Variants in STK24 observed in about 807,000 individuals in gnomAD.
STK24 encodes the protein serine/threonine kinase 24.
A neutral mutation model predicts 55.6 loss-of-function variants in STK24; 21 were observed. The observed-to-expected ratio is 0.38, with a 90% CI of 0.27 to 0.54. The LOEUF (loss-of-function observed/expected upper bound fraction) is 0.54, where lower values mean the gene tolerates loss of function less well. Among genes scored for constraint, STK24 ranks in the 20% least tolerant of loss-of-function variants. The pLI, the probability that STK24 is intolerant of heterozygous loss-of-function variation, is 0.79. For missense variants in STK24, 383 were observed against 538.4 expected (o/e 0.71, Z 2.86); for synonymous variants, 200 against 215.2 (o/e 0.93, Z 0.62).
chr13:98,498,100 G>A (rs903497901), intron 2 of STK24, among the ~76,000 whole-genome samples: 1 of 152,218 alleles, frequency 6.6e-6, no homozygotes, highest in Non-Finnish European at 1.5e-5. Context: ...AGATGCTAAT[G>A]ATGTTGTGTC....
chr13:98,546,509 G>A (rs1897032129), intron 1 of STK24, among the ~76,000 whole-genome samples: 1 of 152,150 alleles, frequency 6.6e-6, no homozygotes, highest in South Asian at 2.1e-4. Flanking sequence ...TGGTGAACAG[G>A]GACTTCCTTC....
In STK24 at chr13:98,563,633, C is replaced by T. The variant is rs551611385; in HGVS notation, c.42+13112G>A. 5.9e-5 allele frequency among the ~76,000 whole-genome samples: 9 copies of T among 151,892 alleles called. No individual in the cohort carries two copies. The South Asian group carries it at 8.3e-4, about 14-fold the overall frequency. ...CAACATTTTGGGAGGCTGAGGTGGG[C>T]GGATCACGAGGTCAGGAGATCGAGA... On this transcript the variant is annotated intron_variant, in intron 1 of 10. Transcript: ENST00000539966.
intron 2 of STK24, among the ~76,000 whole-genome samples, chr13:98,505,976 T>C (rs950881187): frequency 6.6e-6 from 1 of 152,234 alleles, no homozygotes; most frequent in African/African-American, 2.4e-5. Context: ...GAGTTTTCTG[T>C]ATCTCTGTTT....
At chr13:98,574,745 A>G (rs1897836313) in intron 1 of STK24, among the ~76,000 whole-genome samples, 1 of 152,242 alleles carries the variant, frequency 6.6e-6, no homozygotes, top group Non-Finnish European at 1.5e-5. Context: ...AAATAAAAAC[A>G]GTTCCCATGT....
chr13:98,515,344 A>C (rs756145015), intron 2 of STK24, among the ~76,000 whole-genome samples: 2 of 151,772 alleles, frequency 1.3e-5, no homozygotes, highest in African/African-American at 2.4e-5. Context: ...ATGGTACCTC[A>C]GTGGCAGAAA....
chr13:98,489,385 G>A (rs1219506456), intron 2 of STK24, among the ~76,000 whole-genome samples: 1 of 152,222 alleles, frequency 6.6e-6, no homozygotes, highest in Non-Finnish European at 1.5e-5. Flanking sequence ...CCATTCCTGA[G>A]CTGGAAAAGC....
At chr13:98,479,231 C>A (rs1429493945) in intron 3 of STK24, among the ~76,000 whole-genome samples, 1 of 152,212 alleles carries the variant, frequency 6.6e-6, no homozygotes, top group Non-Finnish European at 1.5e-5. Context: ...AAGCTATATT[C>A]CAAGAGCCCA....
At chr13:98,540,763 CAA>C (rs35957882) in intron 1 of STK24, among the ~76,000 whole-genome samples, 60 of 58,856 alleles carry the variant, frequency 1.0e-3, no homozygotes, top group Middle Eastern at 0.015. Flanking sequence ...ATATTAAAAG[CAA>C]AAAAAAAAAA....
chr13:98,485,636 G>A (rs768015408), intron 2 of STK24, among the ~76,000 whole-genome samples: 5 of 152,250 alleles, frequency 3.3e-5, no homozygotes, highest in Admixed American at 1.3e-4. Context: ...GGCTGTTACC[G>A]CCTTTGTTTA....
intron 1 of STK24, among the ~76,000 whole-genome samples, chr13:98,552,189 T>A (rs1222128124): frequency 6.6e-6 from 1 of 152,210 alleles, no homozygotes; most frequent in Non-Finnish European, 1.5e-5. Flanking sequence ...AAATTAAACT[T>A]TATAATAGCT....
At chr13:98,522,098 C>T (rs910141202) in intron 1 of STK24, 61 of 1,330,440 alleles carry the variant, frequency 4.6e-5, no homozygotes, top group Non-Finnish European at 5.5e-5. Flanking sequence ...GCTCTGGATC[C>T]GGTCACCAGT....
chr13:98,462,741 C>T lies in STK24; in HGVS notation c.930-844G>A, dbSNP rs112149947. On this transcript the variant is annotated intron_variant, in intron 7 of 10. Transcript: ENST00000539966. ...CACCTCGGTGCCACTTCACACTGGA[C>T]GTCTCTCCTGGACAACTCAGACTCA... Among the ~76,000 whole-genome samples the T allele has an allele frequency of 7.8e-3, 1,190 of 152,336 alleles. 18 individuals carry two copies. Among genetic ancestry groups the T allele is most frequent in the African/African-American group, 0.027 (1,118 of 41,556 alleles).
chr13:98,478,307 G>A (rs1381411999), intron 3 of STK24, among the ~76,000 whole-genome samples: 1 of 152,216 alleles, frequency 6.6e-6, no homozygotes. Context: ...TCGAAGCTCT[G>A]TAACAGGGAC....
chr13:98,496,932 G>A (rs140065589), intron 2 of STK24, among the ~76,000 whole-genome samples: 2,058 of 152,236 alleles, frequency 0.014, 56 homozygotes, highest in African/African-American at 0.047. Flanking sequence ...AGTGAAATGC[G>A]CAAGCCACAT....
At chr13:98,489,197 CGAT>C (rs1436331848) in intron 2 of STK24, among the ~76,000 whole-genome samples, 3 of 152,108 alleles carry the variant, frequency 2.0e-5, no homozygotes, top group African/African-American at 7.2e-5. Context: ...AGAGGGGCTT[CGAT>C]GATGATGAAG....
chr13:98,497,326 G>T (rs1895286447), intron 2 of STK24, among the ~76,000 whole-genome samples: 2 of 152,178 alleles, frequency 1.3e-5, no homozygotes. Flanking sequence ...CGTATGTTAG[G>T]AATTGGTTTA....
intron 1 of STK24, chr13:98,553,235 G>A (rs1488702583): frequency 6.6e-6 from 1 of 152,288 alleles, no homozygotes; most frequent in African/African-American, 2.4e-5. Flanking sequence ...GGGCCTTGCT[G>A]AGGAAAGGGT....
chr13:98,491,351 C>T (rs1895024347), intron 2 of STK24, among the ~76,000 whole-genome samples: 1 of 152,330 alleles, frequency 6.6e-6, no homozygotes, highest in East Asian at 1.9e-4. Context: ...CCCCAGGCTT[C>T]GCTCTTCCAG....
rs561925592 is a variant in STK24, at chr13:98,558,512, A to G, written c.42+18233T>C. Among the ~76,000 whole-genome samples, 3 of 152,286 alleles carry G rather than the reference A, an allele frequency of 2.0e-5. No homozygotes were observed. In the East Asian group the frequency reaches 5.8e-4, roughly 29 times the overall value. On this transcript the variant is annotated intron_variant, in intron 1 of 10. Coordinates refer to ENST00000539966, the MANE Select transcript of STK24 (RefSeq NM_001032296.4). ...CTGGCACAGCCCCAAAGACCAACCT[A>G]AACTAACTCAGAAACCTGCACCCAG...
Sources: allele counts gnomAD v4.1 joint callset (sites outside exome capture counted in the v4.1 genomes callset), GRCh38; gene constraint gnomAD v4.1.1; transcripts MANE v1.5; gene names NCBI Gene and HGNC (gene_info 2026-07-23, HGNC 2026-07-21).